GUCY1B1: variants seen among roughly 807,000 people sequenced by gnomAD.
The protein encoded by GUCY1B1 is guanylate cyclase 1 soluble subunit beta 1, also known as guanylate cyclase soluble subunit beta-1.
A neutral mutation model predicts 71.0 loss-of-function variants in GUCY1B1; 43 were observed. That is an observed-to-expected ratio of 0.61 (90% CI 0.47 to 0.78). GUCY1B1 has a LOEUF of 0.78. GUCY1B1 is among the 30% of genes least tolerant of loss of function. The pLI is 0.00. For missense variants in GUCY1B1, 535 were observed against 754.1 expected (o/e 0.71, Z 3.40); for synonymous variants, 266 against 259.7 (o/e 1.02, Z -0.23).
rs908475689 is a variant in GUCY1B1 at position 155,770,214 on chromosome 4, C to T, written c.78-4754C>T. 3.3e-5 allele frequency among the ~76,000 whole-genome samples: 5 copies of T among 152,028 alleles called. No individual in the cohort carries two copies. In the South Asian group the frequency reaches 8.3e-4, roughly 25 times the overall value. ...CCTAACTTTTCTTAAATTTACTGGT[C>T]GCCCTCTGTGACTTCAGGTAGCAGA... is the stretch of plus-strand genomic sequence containing the variant. On this transcript the variant is annotated intron_variant, in intron 2 of 13. Transcript: ENST00000264424.
chr4:155,805,718 T>C (rs567923420), intron 13 of GUCY1B1, among the ~76,000 whole-genome samples: 2 of 152,190 alleles, frequency 1.3e-5, no homozygotes, highest in Non-Finnish European at 2.9e-5. Context: ...TAGTCCCTCA[T>C]GTGTTTCTCC....
At chr4:155,780,160 A>T (rs928309880) in intron 4 of GUCY1B1, among the ~76,000 whole-genome samples, 1 of 152,164 alleles carries the variant, frequency 6.6e-6, no homozygotes, top group African/African-American at 2.4e-5. Context: ...CTCACTGGAA[A>T]CTGTCAAAAT....
At chr4:155,786,430 C>G (rs1273501074) in intron 4 of GUCY1B1, among the ~76,000 whole-genome samples, 2 of 143,368 alleles carry the variant, frequency 1.4e-5, no homozygotes, top group African/African-American at 5.2e-5. Context: ...TGCCCCACCA[C>G]GCCTGGCTAA....
chr4:155,805,245 G>A lies in GUCY1B1; in HGVS notation c.1836+16G>A. On this transcript the variant is annotated intron_variant, in intron 13 of 13. Coordinates refer to ENST00000264424, the MANE Select transcript of GUCY1B1 (RefSeq NM_000857.5). ...AGGAACAGAGGTATGACTAATCAAA[G>A]TGTAATTTGCGTACTTAAGACAGAG... 2 of 1,599,682 alleles carry A rather than the reference G, an allele frequency of 1.3e-6. No homozygotes were observed. The highest frequency in any genetic ancestry group is 1.7e-6 in the Non-Finnish European group (2 of 1,171,480).
intron 4 of GUCY1B1, among the ~76,000 whole-genome samples, chr4:155,777,861 A>C (rs1430376590): frequency 2.0e-5 from 3 of 152,152 alleles, no homozygotes; most frequent in Admixed American, 2.0e-4. Context: ...GCTGATACTG[A>C]ATATGCAAGT....
intron 2 of GUCY1B1, among the ~76,000 whole-genome samples, chr4:155,769,456 T>C (rs1051122862): frequency 2.6e-5 from 4 of 152,086 alleles, no homozygotes; most frequent in African/African-American, 4.8e-5. Context: ...AATAGAAAAA[T>C]TTAACGCTTA....
intron 4 of GUCY1B1, among the ~76,000 whole-genome samples, chr4:155,778,871 T>C (rs1738232582): frequency 1.3e-5 from 2 of 152,368 alleles, no homozygotes; most frequent in East Asian, 1.9e-4. Context: ...TATCAACTTA[T>C]AGCAAAGTTT....
chr4:155,771,538 G>A (rs1358614859), intron 2 of GUCY1B1, among the ~76,000 whole-genome samples: 1 of 152,138 alleles, frequency 6.6e-6, no homozygotes, highest in Non-Finnish European at 1.5e-5. Flanking sequence ...ACAGAATGGT[G>A]AAACATGAAT....
Position 155,807,652 on chromosome 4 carries a change from A to T in GUCY1B1, c.*1243A>T, listed in dbSNP as rs1478071763. 2.0e-5 allele frequency: 3 copies of T among 152,018 alleles called. No homozygotes were observed. Among genetic ancestry groups the T allele is most frequent in the African/African-American group, 7.2e-5 (3 of 41,410 alleles). 9.4% of individuals were successfully genotyped at this position (152,018 alleles called of 1,614,324 possible). On this transcript the variant is annotated 3_prime_UTR_variant, in exon 14 of 14. Transcript: ENST00000264424. ...CATTATTTTTCATTTTATTAATGCC[A>T]TTATTTTGTAAATACATTTTACAAT...
intron 13 of GUCY1B1, 39 bp downstream of exon 13, chr4:155,805,268 G>A: frequency 6.5e-7 from 1 of 1,543,874 alleles, no homozygotes; most frequent in African/African-American, 1.4e-5. Flanking sequence ...ACTTAAGACA[G>A]AGTATAAGTA....
rs1737474894 is a variant in GUCY1B1, at chr4:155,768,322, T to C, written c.78-6646T>C. On this transcript the variant is annotated intron_variant, in intron 2 of 13. Coordinates refer to ENST00000264424, the MANE Select transcript of GUCY1B1 (RefSeq NM_000857.5). ...TAGTTAAGGAATATCTCCTTGTATG[T>C]GAAGTTATAAGAAATGTTACCTGGA... Among the ~76,000 whole-genome samples, 7 of 152,296 alleles carry C rather than the reference T, an allele frequency of 4.6e-5. No individual in the cohort carries two copies. In the South Asian group the frequency reaches 1.4e-3, roughly 32 times the overall value.
rs932532697 is a variant in GUCY1B1 at position 155,803,124 on chromosome 4, A to T, written c.1414-500A>T. Among the ~76,000 whole-genome samples, 7 of 152,332 alleles carry T rather than the reference A, an allele frequency of 4.6e-5. No homozygotes were observed. In the East Asian group the frequency reaches 1.4e-3, roughly 29 times the overall value. On this transcript the variant is annotated intron_variant, in intron 10 of 13. Transcript: ENST00000264424. ...CTACATAAAGGCAAGAATGTTAAGT[A>T]AACCATCTCTAGATATCTGGGGTAA...
At chr4:155,773,584 T>G (rs1445643992) in intron 2 of GUCY1B1, among the ~76,000 whole-genome samples, 1 of 152,208 alleles carries the variant, frequency 6.6e-6, no homozygotes, top group African/African-American at 2.4e-5. Flanking sequence ...GCTCTTGACC[T>G]TGACCCCTTG....
chr4:155,779,342 T>A (rs1202564578), intron 4 of GUCY1B1, among the ~76,000 whole-genome samples: 3 of 152,220 alleles, frequency 2.0e-5, no homozygotes, highest in African/African-American at 7.2e-5. Flanking sequence ...AAGTGCAATG[T>A]GCTGCAAGTG....
Position 155,774,995 on chromosome 4 carries a change from A to G in GUCY1B1, c.105A>G (p.Gly35=), listed in dbSNP as rs75622942. 468 of 1,597,970 alleles carry G rather than the reference A, an allele frequency of 2.9e-4. 3 individuals carry two copies. The East Asian group carries it at 0.01, about 35-fold the overall frequency. Residue 35 remains glycine (G), a synonymous_variant, in exon 3 of 14, where the codon GGA becomes GGG. Transcript: ENST00000264424. ...AAGAGGCACAGTTAGATGAAGAAGG[A>G]CAGTTTCTTGTCAGAATAATATATG... ...IKKEAQLDEE[G]QFLVRIIYDD...
intron 4 of GUCY1B1, chr4:155,785,258 GC>G: frequency 7.5e-7 from 1 of 1,339,086 alleles, no homozygotes; most frequent in Non-Finnish European, 1.0e-6. Flanking sequence ...ATTTTATGAA[GC>G]CTAGAAGAAT....
chr4:155,783,534 T>C (rs1391669209), intron 4 of GUCY1B1, among the ~76,000 whole-genome samples: 1 of 152,240 alleles, frequency 6.6e-6, no homozygotes, highest in Non-Finnish European at 1.5e-5. Flanking sequence ...ATGTTGACAG[T>C]TTCAGTCATT....
Position 155,793,960 on chromosome 4 carries a change from A to T in GUCY1B1, c.600A>T (p.Glu200Asp), listed in dbSNP as rs769170368. The T allele has an allele frequency of 7.5e-6, 12 of 1,604,650 alleles. No homozygotes were observed. In the East Asian group the frequency reaches 2.5e-4, roughly 33 times the overall value. ...DFYEDLDRFE[E>D]NGTQESRISP... ...ATGAAGATCTTGACAGATTTGAAGA[A>T]AATGGTACCCAGGAATCACGCATCA... The change falls in exon 6 of 14, where the codon GAA becomes GAT. Residue 200 changes from glutamate to aspartate, a missense_variant. Glu to Asp is a conservative substitution (Grantham distance 45). Coordinates refer to ENST00000264424, the MANE Select transcript of GUCY1B1 (RefSeq NM_000857.5).
In GUCY1B1 at chr4:155,802,807, G is replaced by T. The variant is rs72681515; in HGVS notation, c.1413+228G>T. ...TGTTTCATGAAGTGGGTGATTCCCT[G>T]GTTAAAATGAAATGTTCACCATCTT... On this transcript the variant is annotated intron_variant, in intron 10 of 13. Coordinates refer to ENST00000264424, the MANE Select transcript of GUCY1B1 (RefSeq NM_000857.5). The surrounding 1 kb of genome is among the most constrained non-coding windows in gnomAD (Gnocchi z 4.3). 6.6e-6 allele frequency among the ~76,000 whole-genome samples: 1 copy of T among 152,042 alleles called. No individual in the cohort carries two copies. The highest frequency in any genetic ancestry group is 1.5e-5 in the Non-Finnish European group (1 of 68,004).
Sources: allele counts gnomAD v4.1 joint callset (sites outside exome capture counted in the v4.1 genomes callset), GRCh38; gene constraint gnomAD v4.1.1; non-coding constraint Gnocchi (gnomAD v3.1); transcripts MANE v1.5; gene names NCBI Gene and HGNC (gene_info 2026-07-23, HGNC 2026-07-21).